TCF4: variants seen among roughly 807,000 people sequenced by gnomAD.
TCF4 encodes the protein SL3-3 enhancer factor 2.
A neutral mutation model predicts 82.1 loss-of-function variants in TCF4; 3 were observed. The observed-to-expected ratio is 0.04, with a 90% confidence interval of 0.02 to 0.09. TCF4 has a LOEUF of 0.09. TCF4 is among the 10% of genes least tolerant of loss of function. The pLI is 1.00. For missense variants in TCF4, 518 were observed against 852.7 expected, an observed-to-expected ratio of 0.61 and a Z score of 4.89; for synonymous variants, 276 against 309.6, an observed-to-expected ratio of 0.89 and a Z score of 1.14.
At chr18:55,258,963 C>CT (rs1491392333) in intron 13 of TCF4, among the ~76,000 whole-genome samples, 7 of 152,094 alleles carry the variant, frequency 4.6e-5, no homozygotes, top group African/African-American at 1.7e-4. Flanking sequence ...TCCCACTGCC[C>CT]TCTCTATTCT....
intron 6 of TCF4, chr18:55,383,857 CA>C (rs1569295022): frequency 6.6e-6 from 1 of 152,220 alleles, no homozygotes; most frequent in Non-Finnish European, 1.5e-5. Context: ...TGATGTGACC[CA>C]GCATTCAGGC....
chr18:55,530,302 C>T (rs2097045445), intron 3 of TCF4, among the ~76,000 whole-genome samples: 1 of 152,108 alleles, frequency 6.6e-6, no homozygotes, highest in Non-Finnish European at 1.5e-5. Context: ...TATTTGCACA[C>T]TCTTTTTAGA....
rs2096282418 is a variant in TCF4, at chr18:55,476,115, C to CA, written c.146-11979dup. The stretch of plus-strand genomic sequence containing the variant: ...GGCACTTCCCAATTAAATTCAAATG[C>CA]AGAGACAAGCATACTCATGACACAG... On this transcript the variant is annotated intron_variant, in intron 3 of 19. Transcript: ENST00000354452. 4.6e-5 allele frequency among the ~76,000 whole-genome samples: 7 copies of CA among 152,014 alleles called. No individual in the cohort carries two copies. The East Asian group carries it at 1.4e-3, about 29-fold the overall frequency.
intron 14 of TCF4, among the ~76,000 whole-genome samples, chr18:55,255,520 G>A (rs1005195842): frequency 9.2e-5 from 14 of 152,154 alleles, no homozygotes; most frequent in African/African-American, 2.4e-4. Context: ...TAGACAATGC[G>A]TATAGTTTTT....
intron 8 of TCF4, among the ~76,000 whole-genome samples, chr18:55,282,048 T>C (rs936657521): frequency 6.6e-5 from 10 of 152,078 alleles, no homozygotes; most frequent in African/African-American, 2.2e-4. Context: ...AGACAATTTC[T>C]ACATATTTTA....
chr18:55,574,767 T>G (rs2097511728), intron 3 of TCF4, among the ~76,000 whole-genome samples: 1 of 152,030 alleles, frequency 6.6e-6, no homozygotes, highest in Admixed American at 6.6e-5. Context: ...TCTAGCACTA[T>G]AACTTGTATC....
chr18:55,582,144 T>C (rs536376274), intron 3 of TCF4, among the ~76,000 whole-genome samples: 2 of 152,244 alleles, frequency 1.3e-5, no homozygotes, highest in East Asian at 3.9e-4. Flanking sequence ...TTCTGCTATA[T>C]CAGAAAATTA....
chr18:55,301,690 A>G (rs548925562), intron 8 of TCF4, among the ~76,000 whole-genome samples: 1 of 151,792 alleles, frequency 6.6e-6, no homozygotes, highest in Admixed American at 6.6e-5. Context: ...AAACACTTTA[A>G]ATTATAAAAG....
At chr18:55,257,943 A>T (rs1484471689) in intron 13 of TCF4, among the ~76,000 whole-genome samples, 1 of 152,178 alleles carries the variant, frequency 6.6e-6, no homozygotes, top group Non-Finnish European at 1.5e-5. Flanking sequence ...GAAGAAAATA[A>T]TTTTTTTATG....
At chr18:55,594,903 T>C (rs1251305524) in intron 2 of TCF4, among the ~76,000 whole-genome samples, 1 of 152,142 alleles carries the variant, frequency 6.6e-6, no homozygotes, top group Non-Finnish European at 1.5e-5. Flanking sequence ...CATGGACAAC[T>C]GCAGGGAAGA....
intron 8 of TCF4, among the ~76,000 whole-genome samples, chr18:55,330,176 A>ATTT (rs3077897): frequency 3.3e-4 from 37 of 110,456 alleles, no homozygotes; most frequent in Admixed American, 3.9e-4. Context: ...GCAATGTTGG[A>ATTT]TTTTTTTTTT....
chr18:55,632,324 C>G (rs1313944786), intron 1 of TCF4, among the ~76,000 whole-genome samples: 2 of 152,314 alleles, frequency 1.3e-5, no homozygotes, highest in African/African-American at 4.8e-5. Context: ...AGGCATGAAC[C>G]ACCGCGCCCG....
intron 6 of TCF4, among the ~76,000 whole-genome samples, chr18:55,365,966 T>TTATAGATATAGATATAGATATAGA (rs56944219): frequency 6.9e-5 from 10 of 145,210 alleles, no homozygotes; most frequent in South Asian, 2.2e-4. Context: ...CTAAAATTGT[T>TTATAGATATAGATATAGATATAGA]TATAGATATA....
intron 8 of TCF4, among the ~76,000 whole-genome samples, chr18:55,315,187 C>G (rs2073799817): frequency 6.6e-6 from 1 of 152,144 alleles, no homozygotes; most frequent in African/African-American, 2.4e-5. Context: ...CTGTTCCCAC[C>G]TCTGACTTCT....
chr18:55,457,627 A>G (rs1374691871), intron 5 of TCF4, among the ~76,000 whole-genome samples: 1 of 152,186 alleles, frequency 6.6e-6, no homozygotes, highest in Admixed American at 6.5e-5. Flanking sequence ...TTGGGACCAC[A>G]GAAGTGTGCC....
intron 3 of TCF4, among the ~76,000 whole-genome samples, chr18:55,559,020 G>A (rs2097331008): frequency 1.4e-5 from 2 of 147,048 alleles, no homozygotes; most frequent in African/African-American, 2.5e-5. Flanking sequence ...TAAAAAGTAT[G>A]GTTTGTATAT....
At chr18:55,445,296 G>T (rs2095506289) in intron 5 of TCF4, among the ~76,000 whole-genome samples, 1 of 151,942 alleles carries the variant, frequency 6.6e-6, no homozygotes, top group South Asian at 2.1e-4. Context: ...ATACTGCTAT[G>T]AAGAAATACC....
intron 15 of TCF4, among the ~76,000 whole-genome samples, chr18:55,238,942 C>G (rs2144856458): frequency 6.6e-6 from 1 of 152,238 alleles, no homozygotes; most frequent in Non-Finnish European, 1.5e-5. Flanking sequence ...TTTTCCCGGT[C>G]CAGAGAGCTA....
intron 6 of TCF4, among the ~76,000 whole-genome samples, chr18:55,387,981 C>A (rs3794891): frequency 0.25 from 38,308 of 152,022 alleles, 5,074 homozygotes; most frequent in East Asian, 0.49. Flanking sequence ...TGACGACCAA[C>A]CTCAACATCT....
Sources: gnomAD v4.1 joint callset for allele counts (sites outside exome capture counted in the v4.1 genomes callset) on GRCh38, gnomAD v4.1.1 for gene constraint, MANE v1.5 for transcripts, NCBI Gene and HGNC (gene_info 2026-07-23, HGNC 2026-07-21) for gene names.